Variants in TOP6BL observed in about 807,000 individuals in gnomAD.
TOP6BL encodes the protein TOP6B like initiator of meiotic double strand breaks.
the TOP6BL span, chr11:66,821,741 G>T: frequency 3.3e-5 from 53 of 1,613,376 alleles, no homozygotes; most frequent in African/African-American, 6.8e-4. Context: ...CAAGGTCTTG[G>T]AGCAACATCA....
chr11:66,802,338 A>G, the TOP6BL span, among the ~76,000 whole-genome samples: 4 of 152,088 alleles, frequency 2.6e-5, no homozygotes, highest in African/African-American at 9.7e-5. Flanking sequence ...TATTTTTAGT[A>G]GAAATGGGGT....
At chr11:66,841,475 C>T in the TOP6BL span, among the ~76,000 whole-genome samples, 5 of 152,208 alleles carry the variant, frequency 3.3e-5, no homozygotes, top group Non-Finnish European at 5.9e-5. Flanking sequence ...CTGATGAACA[C>T]TTCTGATTCC....
chr11:66,757,876 C>T, the TOP6BL span, among the ~76,000 whole-genome samples: 1 of 152,318 alleles, frequency 6.6e-6, no homozygotes, highest in South Asian at 2.1e-4. Context: ...GCGTGAGCCA[C>T]CATACCCGGC....
the TOP6BL span, among the ~76,000 whole-genome samples, chr11:66,746,352 C>T: frequency 1.3e-4 from 19 of 151,664 alleles, no homozygotes; most frequent in Non-Finnish European, 2.2e-4. Context: ...TTTGGGAGAC[C>T]GAGGCGGGCA....
the TOP6BL span, among the ~76,000 whole-genome samples, chr11:66,779,205 C>T: frequency 2.0e-5 from 3 of 152,138 alleles, no homozygotes; most frequent in African/African-American, 7.2e-5. Context: ...GCAAAAGAAA[C>T]AACCATCAGA....
the TOP6BL span, among the ~76,000 whole-genome samples, chr11:66,773,416 A>C: frequency 1.3e-5 from 2 of 151,710 alleles, no homozygotes; most frequent in African/African-American, 4.8e-5. Flanking sequence ...ATTTTATCTA[A>C]GTTATTGGGT....
chr11:66,781,511 G>A, the TOP6BL span, among the ~76,000 whole-genome samples: 1 of 152,066 alleles, frequency 6.6e-6, no homozygotes, highest in Non-Finnish European at 1.5e-5. Context: ...TTTCCTAAAT[G>A]TAATATCTGT....
the TOP6BL span, among the ~76,000 whole-genome samples, chr11:66,770,482 T>G: frequency 6.6e-6 from 1 of 152,058 alleles, no homozygotes; most frequent in Non-Finnish European, 1.5e-5. Flanking sequence ...GGTGGGAGGA[T>G]CACCTGAGGT....
At chr11:66,804,091 C>T in the TOP6BL span, 1 of 1,613,954 alleles carries the variant, frequency 6.2e-7, no homozygotes, top group Non-Finnish European at 8.5e-7. Flanking sequence ...ACGTGGCTGG[C>T]ATGGACTTGT....
chr11:66,796,188 ATAGTTACT>A, the TOP6BL span: 1 of 924,468 alleles, frequency 1.1e-6, no homozygotes, highest in Non-Finnish European at 1.7e-6. Flanking sequence ...TTTCTGAGGT[ATAGTTACT>A]TTTAGAAGAG....
the TOP6BL span, among the ~76,000 whole-genome samples, chr11:66,750,591 C>G: frequency 1.3e-5 from 2 of 151,838 alleles, no homozygotes; most frequent in East Asian, 3.9e-4. Context: ...GCGTGCTTCC[C>G]CCATCTCTCC....
the TOP6BL span, among the ~76,000 whole-genome samples, chr11:66,806,040 C>T: frequency 6.6e-6 from 1 of 152,098 alleles, no homozygotes; most frequent in South Asian, 2.1e-4. Flanking sequence ...CTCAAGACAT[C>T]CTTTGAACAT....
At chr11:66,758,845 A>G in the TOP6BL span, among the ~76,000 whole-genome samples, 1 of 152,176 alleles carries the variant, frequency 6.6e-6, no homozygotes, top group Non-Finnish European at 1.5e-5. Context: ...GGTTATCTCT[A>G]AGAAGTTATT....
chr11:66,815,625 A>G, the TOP6BL span: 1 of 158,354 alleles, frequency 6.3e-6, no homozygotes, highest in Non-Finnish European at 1.4e-5. Flanking sequence ...GTTCTATCCG[A>G]TACTGTTGTT....
At chr11:66,756,336 C>A in the TOP6BL span, 6 of 1,203,496 alleles carry the variant, frequency 5.0e-6, no homozygotes, top group Admixed American at 1.5e-4. Flanking sequence ...CCTTTTCCCC[C>A]CTTTTTTTTT....
chr11:66,747,251 C>T, the TOP6BL span, among the ~76,000 whole-genome samples: 1 of 151,892 alleles, frequency 6.6e-6, no homozygotes, highest in Non-Finnish European at 1.5e-5. Flanking sequence ...AATGTTTTAC[C>T]CAGACATCTT....
chr11:66,818,165 GA>G, the TOP6BL span, among the ~76,000 whole-genome samples: 1 of 152,144 alleles, frequency 6.6e-6, no homozygotes, highest in Non-Finnish European at 1.5e-5. Flanking sequence ...AGAAAAAAGA[GA>G]CTGCTTACAC....
the TOP6BL span, chr11:66,759,141 A>G: frequency 7.9e-7 from 1 of 1,259,378 alleles, no homozygotes; most frequent in Non-Finnish European, 1.1e-6. Context: ...TCTTCCCGAC[A>G]ATTAATTTGA....
chr11:66,841,804 A>G, the TOP6BL span, among the ~76,000 whole-genome samples: 1 of 152,110 alleles, frequency 6.6e-6, no homozygotes, highest in South Asian at 2.1e-4. Flanking sequence ...TCATCTTTAA[A>G]AAGTAAAAAT....
Sources: gnomAD v4.1 joint callset for allele counts (sites outside exome capture counted in the v4.1 genomes callset) on GRCh38, gnomAD v4.1.1 for gene constraint, MANE v1.5 for transcripts, NCBI Gene and HGNC (gene_info 2026-07-23, HGNC 2026-07-21) for gene names.